DOCK4: variants seen among roughly 807,000 people sequenced by gnomAD.
DOCK4 encodes dedicator of cytokinesis 4, also known as dedicator of cytokinesis protein 4.
In DOCK4, 97 loss-of-function variants were observed where a neutral mutation model predicts 268.1. That is an observed-to-expected ratio of 0.36 (90% CI 0.31 to 0.43). The LOEUF (loss-of-function observed/expected upper bound fraction) is 0.43. Ranked by LOEUF, DOCK4 falls within the 20% of genes least tolerant of loss-of-function variation. DOCK4 has a pLI of 1.00. For synonymous variants in DOCK4, 954 were observed against 887.2 expected (o/e 1.08, Z -1.34); for missense variants, 2,145 against 2,455.7 (o/e 0.87, Z 2.67).
At chr7:111,827,135 G>C (rs970671442) in intron 26 of DOCK4, among the ~76,000 whole-genome samples, 2 of 151,968 alleles carry the variant, frequency 1.3e-5, no homozygotes, top group African/African-American at 2.4e-5. Context: ...AATTTCAAAC[G>C]TATAATACCC....
In DOCK4 at chr7:112,170,824, G is replaced by C. The variant is rs1818022353; in HGVS notation, c.37+35278C>G. Among the ~76,000 whole-genome samples, 3 of 152,126 alleles carry C rather than the reference G, an allele frequency of 2.0e-5. No individual in the cohort carries two copies. In the South Asian group the frequency reaches 6.2e-4, roughly 32 times the overall value. On this transcript the variant is annotated intron_variant, in intron 1 of 52. Coordinates refer to ENST00000428084, the MANE Select transcript of DOCK4 (RefSeq NM_001363540.2). ...GATACTGTACACAGAAATATTGTTA[G>C]CTATTGCCTCAGAGAATAGTATACA... is the stretch of plus-strand genomic sequence containing the variant.
In DOCK4 at chr7:112,159,789, C is replaced by G. The variant is rs534584938; in HGVS notation, c.37+46313G>C. Among the ~76,000 whole-genome samples the G allele has an allele frequency of 1.8e-4, 26 of 142,068 alleles. No individual in the cohort carries two copies. In the East Asian group the frequency reaches 4.9e-3, roughly 27 times the overall value. The allele number at this position is 142,068 out of a possible 152,430, so 93.2% of individuals were successfully genotyped here. On this transcript the variant is annotated intron_variant, in intron 1 of 52. Transcript: ENST00000428084. ...CCAGGATGTAAGCTTCTAAAACAAG[C>G]ATTTTGTATTATACTTATGTATAAT...
intron 1 of DOCK4, among the ~76,000 whole-genome samples, chr7:112,200,748 A>AAAAAAAAAAT (rs1256761419): frequency 1.3e-5 from 2 of 150,502 alleles, no homozygotes; most frequent in Non-Finnish European, 3.0e-5. Flanking sequence ...ACAAAAAAAA[A>AAAAAAAAAAT]CAAGATCATA....
chr7:111,737,079 C>A, intron 49 of DOCK4, 90 bp from the exon 50 acceptor site: 1 of 1,172,090 alleles, frequency 8.5e-7, no homozygotes, highest in Non-Finnish European at 1.2e-6. Flanking sequence ...CTCAGTAAAA[C>A]TTTTTGTTCA....
At chr7:112,080,382 T>A (rs1447101158) in intron 1 of DOCK4, among the ~76,000 whole-genome samples, 1 of 152,220 alleles carries the variant, frequency 6.6e-6, no homozygotes, top group African/African-American at 2.4e-5. Flanking sequence ...GGATAAATGT[T>A]AACAAAACTC....
chr7:111,755,747 T>C, intron 41 of DOCK4, 146 bp from the exon 42 acceptor site: 1 of 702,586 alleles, frequency 1.4e-6, no homozygotes, highest in Non-Finnish European at 2.4e-6. Flanking sequence ...CATGAAACTA[T>C]CACAGTGAGA....
chr7:112,182,096 G>A (rs1158511196), intron 1 of DOCK4, among the ~76,000 whole-genome samples: 2 of 152,270 alleles, frequency 1.3e-5, no homozygotes, highest in East Asian at 3.9e-4. Flanking sequence ...ACTTGTCCAG[G>A]ATGAACTTAG....
chr7:111,732,635 G>C (rs983207825), intron 51 of DOCK4: 19 of 235,950 alleles, frequency 8.1e-5, no homozygotes, highest in African/African-American at 4.3e-4. Context: ...TTTTAGGTGT[G>C]AGATGCTAGG....
At chr7:111,749,688 A>C (rs1251430426) in intron 42 of DOCK4, among the ~76,000 whole-genome samples, 1 of 152,228 alleles carries the variant, frequency 6.6e-6, no homozygotes, top group African/African-American at 2.4e-5. Context: ...GAAAAGGGGC[A>C]AAGGATATGA....
intron 23 of DOCK4, among the ~76,000 whole-genome samples, chr7:111,853,694 T>A (rs1804770095): frequency 6.6e-6 from 1 of 152,162 alleles, no homozygotes; most frequent in Non-Finnish European, 1.5e-5. Context: ...CCACTGGCTT[T>A]AATCCCACCC....
chr7:111,746,621 C>CAA (rs1796285677), intron 43 of DOCK4, among the ~76,000 whole-genome samples: 1 of 152,050 alleles, frequency 6.6e-6, no homozygotes, highest in Admixed American at 6.5e-5. Flanking sequence ...AGTGATTGTA[C>CAA]AATAAGTACC....
intron 8 of DOCK4, among the ~76,000 whole-genome samples, chr7:111,948,597 CTT>C (rs111864257): frequency 6.8e-6 from 1 of 146,432 alleles, no homozygotes; most frequent in Non-Finnish European, 1.5e-5. Flanking sequence ...TTTTCTTCTT[CTT>C]TTTTTTTTTC....
chr7:111,755,008 A>G (rs947045816), intron 42 of DOCK4, among the ~76,000 whole-genome samples: 1 of 152,242 alleles, frequency 6.6e-6, no homozygotes, highest in African/African-American at 2.4e-5. Context: ...AGAGAGTAAT[A>G]TAATTGGCTT....
At chr7:112,200,725 T>TAAAAAAAAAAAAAAAAAAAAAAAAAAAAA in intron 1 of DOCK4, among the ~76,000 whole-genome samples, 2 of 102,766 alleles carry the variant, frequency 1.9e-5, no homozygotes, top group Non-Finnish European at 3.9e-5. Context: ...GCCTCTAAAA[T>TAAAAAAAAAAAAAAAAAAAAAAAAAAAAA]AAAAAAAAAA....
intron 1 of DOCK4, among the ~76,000 whole-genome samples, chr7:112,195,702 A>G (rs1463744877): frequency 6.7e-6 from 1 of 148,864 alleles, no homozygotes; most frequent in African/African-American, 2.4e-5. Flanking sequence ...ATTTTGGAGA[A>G]AAAAAAAAAT....
In DOCK4 at chr7:112,066,690, CATATATATATATATATAT is replaced by C. The variant is rs751631282; in HGVS notation, c.38-62577_38-62560del. 6.8e-3 allele frequency among the ~76,000 whole-genome samples: 143 copies of C among 20,996 alleles called. 1 individual carries two copies. The highest frequency in any genetic ancestry group is 0.03 in the East Asian group (17 of 570). The allele number at this position is 20,996 out of a possible 152,430, so 13.8% of individuals were successfully genotyped here. On this transcript the variant is annotated intron_variant, in intron 1 of 52. Coordinates refer to ENST00000428084, the MANE Select transcript of DOCK4 (RefSeq NM_001363540.2). ...ATATACATATACATATATACATATACATATATATATATATATATATATATATATATATATATATATATA... is the reference window on the plus strand; with the variant it reads ...ATATACATATACATATATACATATACATATATATATATATATATATATATA...
At chr7:112,032,738 C>T (rs1803389249) in intron 1 of DOCK4, among the ~76,000 whole-genome samples, 2 of 152,044 alleles carry the variant, frequency 1.3e-5, no homozygotes, top group South Asian at 4.2e-4. Context: ...CCCCAAAGCC[C>T]CACACTTGCC....
At chr7:111,998,059 T>C (rs1018887702) in intron 4 of DOCK4, among the ~76,000 whole-genome samples, 1 of 152,220 alleles carries the variant, frequency 6.6e-6, no homozygotes, top group African/African-American at 2.4e-5. Context: ...AAAGACACAC[T>C]ATGCATCTTA....
chr7:112,178,557 C>G (rs1038053044), intron 1 of DOCK4, among the ~76,000 whole-genome samples: 1 of 152,134 alleles, frequency 6.6e-6, no homozygotes, highest in African/African-American at 2.4e-5. Flanking sequence ...AGGAAAAGAG[C>G]TGAACTGAAA....
Sources: allele counts gnomAD v4.1 joint callset (sites outside exome capture counted in the v4.1 genomes callset), GRCh38; gene constraint gnomAD v4.1.1; transcripts MANE v1.5; gene names NCBI Gene and HGNC (gene_info 2026-07-23, HGNC 2026-07-21).